The following DNM3 variants were observed in gnomAD, a reference collection of about 807,000 sequenced individuals.
DNM3 encodes dynamin 3.
Under a neutral mutation model 101.6 loss-of-function variants are expected in DNM3, and 47 were observed. That is an observed-to-expected ratio of 0.46 (90% CI 0.37 to 0.59). The LOEUF (loss-of-function observed/expected upper bound fraction) is 0.59, where lower values mean the gene tolerates loss of function less well. Ranked by LOEUF, DNM3 falls within the 20% of genes least tolerant of loss-of-function variation. DNM3 has a pLI of 0.00. For missense variants in DNM3, 849 were observed against 1,085.7 expected, an observed-to-expected ratio of 0.78 and a Z score of 3.06; for synonymous variants, 385 against 387.9, an observed-to-expected ratio of 0.99 and a Z score of 0.09.
At chr1:172,249,233 G>T (rs564388751) in intron 14 of DNM3, among the ~76,000 whole-genome samples, 1 of 152,210 alleles carries the variant, frequency 6.6e-6, no homozygotes, top group South Asian at 2.1e-4. Flanking sequence ...CACTTGCCAA[G>T]CCCATACCTA....
At chr1:172,338,634 G>T (rs1019978068) in intron 17 of DNM3, among the ~76,000 whole-genome samples, 13 of 152,330 alleles carry the variant, frequency 8.5e-5, no homozygotes, top group African/African-American at 3.1e-4. Flanking sequence ...ATATAGAGAA[G>T]CCTAGTGCAT....
intron 14 of DNM3, among the ~76,000 whole-genome samples, chr1:172,131,594 A>T (rs1184867665): frequency 6.6e-6 from 1 of 152,196 alleles, no homozygotes; most frequent in African/African-American, 2.4e-5. Flanking sequence ...TGTACTGGTA[A>T]AGTGAAAACA....
intron 14 of DNM3, among the ~76,000 whole-genome samples, chr1:172,176,855 G>A (rs889672068): frequency 6.6e-6 from 1 of 151,760 alleles, no homozygotes; most frequent in African/African-American, 2.4e-5. Flanking sequence ...CAAAATAATA[G>A]CAAGATTGAT....
At chr1:172,139,657 C>G (rs559102308) in intron 14 of DNM3, 2 of 152,198 alleles carry the variant, frequency 1.3e-5, no homozygotes, top group African/African-American at 4.8e-5. Flanking sequence ...AGGGTACAAA[C>G]TGGAAGGCTG....
chr1:171,971,923 T>A (rs1558349989), intron 2 of DNM3, among the ~76,000 whole-genome samples: 1 of 152,176 alleles, frequency 6.6e-6, no homozygotes, highest in Non-Finnish European at 1.5e-5. Context: ...AAGATCTGCT[T>A]CTAAAAGGAA....
At chr1:172,024,608 G>A (rs183143910) in intron 4 of DNM3, among the ~76,000 whole-genome samples, 6 of 152,312 alleles carry the variant, frequency 3.9e-5, no homozygotes, top group Admixed American at 6.5e-5. Context: ...TACCTGGCTC[G>A]TCTCACTGGG....
chr1:171,987,563 A>G, intron 2 of DNM3, 93 bp from the exon 3 acceptor site: 1 of 1,278,054 alleles, frequency 7.8e-7, no homozygotes, highest in Non-Finnish European at 1.1e-6. Flanking sequence ...AAGAGAGAAT[A>G]TTGGATACTT....
intron 13 of DNM3, among the ~76,000 whole-genome samples, chr1:172,115,267 C>G (rs1405586573): frequency 6.6e-6 from 1 of 152,074 alleles, no homozygotes; most frequent in Non-Finnish European, 1.5e-5. Flanking sequence ...ACCACATCTC[C>G]TTTCCAATAG....
chr1:172,116,714 A>G (rs1171465643), intron 13 of DNM3, among the ~76,000 whole-genome samples: 1 of 152,220 alleles, frequency 6.6e-6, no homozygotes, highest in Non-Finnish European at 1.5e-5. Flanking sequence ...CAAAGTTAAA[A>G]GGTGTGTTTA....
At chr1:171,945,386 T>G (rs1355229563) in intron 2 of DNM3, among the ~76,000 whole-genome samples, 1 of 152,210 alleles carries the variant, frequency 6.6e-6, no homozygotes, top group East Asian at 1.9e-4. Context: ...TTGGAAAAAG[T>G]GTTAAATCCA....
intron 15 of DNM3, among the ~76,000 whole-genome samples, chr1:172,273,130 A>T (rs1047492276): frequency 6.6e-6 from 1 of 152,090 alleles, no homozygotes; most frequent in Non-Finnish European, 1.5e-5. Context: ...AAAAAATAAG[A>T]GAAAGCTTTA....
chr1:172,106,772 A>T (rs2055047467), intron 13 of DNM3, among the ~76,000 whole-genome samples: 1 of 148,512 alleles, frequency 6.7e-6, no homozygotes, highest in African/African-American at 2.5e-5. Flanking sequence ...ATTCTATAAG[A>T]CTTATTTGGT....
chr1:172,044,583 A>T, intron 9 of DNM3, 131 bp downstream of exon 9: 1 of 746,860 alleles, frequency 1.3e-6, no homozygotes, highest in Non-Finnish European at 2.1e-6. Flanking sequence ...AAGAAACAGG[A>T]AATCCTACTT....
Position 172,408,469 on chromosome 1 carries a change from A to G in DNM3, c.*628A>G, listed in dbSNP as rs1265916970. 6.1e-6 allele frequency: 6 copies of G among 985,236 alleles called. No homozygotes were observed. The highest frequency in any genetic ancestry group is 7.2e-6 in the Non-Finnish European group (6 of 829,910). 61.0% of individuals were successfully genotyped at this position (985,236 alleles called of 1,614,324 possible). A position where few individuals can be genotyped will look rare whatever the true frequency, so the allele number is the denominator to read the frequency against. ...CTCTAAAGAGCTTCTCCTCATTCCA[A>G]TGTGTTTTGCTTCATGCTAGAAGCA... On this transcript the variant is annotated 3_prime_UTR_variant, in exon 21 of 21. Coordinates refer to ENST00000627582, the MANE Select transcript of DNM3 (RefSeq NM_015569.5).
chr1:172,092,251 A>G (rs1367678861), intron 12 of DNM3, among the ~76,000 whole-genome samples: 1 of 152,184 alleles, frequency 6.6e-6, no homozygotes, highest in Non-Finnish European at 1.5e-5. Context: ...GAGATGCATT[A>G]AAGGAGTTGT....
At chr1:172,040,139 G>C (rs2049265454) in intron 7 of DNM3, among the ~76,000 whole-genome samples, 1 of 152,142 alleles carries the variant, frequency 6.6e-6, no homozygotes, top group Admixed American at 6.5e-5. Flanking sequence ...AAATGGGCCA[G>C]GTGGCTGAGG....
chr1:171,924,816 A>G (rs1315647626), intron 2 of DNM3, among the ~76,000 whole-genome samples: 1 of 152,090 alleles, frequency 6.6e-6, no homozygotes, highest in East Asian at 1.9e-4. Flanking sequence ...ATGATTAATG[A>G]TGTTGAGCAT....
chr1:172,081,193 C>T (rs2053117814), intron 11 of DNM3, among the ~76,000 whole-genome samples: 2 of 152,152 alleles, frequency 1.3e-5, no homozygotes, highest in Admixed American at 1.3e-4. Context: ...AACTCCTGGG[C>T]TCAAGAGATT....
At chr1:171,982,890 C>T (rs1412318678) in intron 2 of DNM3, among the ~76,000 whole-genome samples, 1 of 152,098 alleles carries the variant, frequency 6.6e-6, no homozygotes, top group Non-Finnish European at 1.5e-5. Context: ...TCAGTTCTAC[C>T]TATTCATCTC....
Sources: gnomAD v4.1 joint callset for allele counts (sites outside exome capture counted in the v4.1 genomes callset) on GRCh38, gnomAD v4.1.1 for gene constraint, MANE v1.5 for transcripts, NCBI Gene and HGNC (gene_info 2026-07-23, HGNC 2026-07-21) for gene names.